The following ANKRD31 variants were observed in gnomAD, a reference collection of about 807,000 sequenced individuals.
The protein encoded by ANKRD31 is ankyrin repeat domain 31, also known as ankyrin repeat domain-containing protein 31.
In ANKRD31, 147 loss-of-function variants were observed where a neutral mutation model predicts 186.0. That is an observed-to-expected ratio of 0.79 (90% CI 0.69 to 0.91). ANKRD31 has a LOEUF of 0.91. Among genes scored for constraint, ANKRD31 ranks in the 40% least tolerant of loss-of-function variants. The pLI is 0.00. For missense variants in ANKRD31, 1,986 were observed against 2,148.8 expected (o/e 0.92, Z 1.50); for synonymous variants, 673 against 736.4 (o/e 0.91, Z 1.39).
At chr5:75,099,992 T>C (rs928490044) in intron 22 of ANKRD31, among the ~76,000 whole-genome samples, 13 of 152,138 alleles carry the variant, frequency 8.5e-5, no homozygotes, top group African/African-American at 3.1e-4. Context: ...TCTTGCTTCT[T>C]TAGTTCATTT....
At chr5:75,160,117 C>T (rs370430239) in intron 11 of ANKRD31, among the ~76,000 whole-genome samples, 1 of 151,760 alleles carries the variant, frequency 6.6e-6, no homozygotes, top group African/African-American at 2.4e-5. Context: ...CTTTAAGAGA[C>T]CTAAGACCAT....
chr5:75,141,650 GA>G (rs1385982043), intron 15 of ANKRD31, among the ~76,000 whole-genome samples: 2 of 151,570 alleles, frequency 1.3e-5, no homozygotes, highest in African/African-American at 2.4e-5. Context: ...AAAAAGAAAA[GA>G]AAAAAAATTA....
At chr5:75,125,671 A>G (rs187638657) in intron 17 of ANKRD31, among the ~76,000 whole-genome samples, 15 of 152,316 alleles carry the variant, frequency 9.8e-5, no homozygotes, top group Admixed American at 9.8e-4. Flanking sequence ...TTAATATATT[A>G]ATTTGGAGAA....
rs70979318 is a variant in ANKRD31, at chr5:75,206,248, AATATATATATATATATATATATATATAT to A, written c.403+135_403+162del. On this transcript the variant is annotated intron_variant, in intron 5 of 25. Coordinates refer to ENST00000506364, the MANE Select transcript of ANKRD31 (RefSeq NM_001372053.1). ...AAAAAAAAAAAAAAAAAAAAAAAAAAATATATATATATATATATATATATATATATATATATATATATATATATATATA... is the reference window on the plus strand; with the variant it reads ...AAAAAAAAAAAAAAAAAAAAAAAAAAATATATATATATATATATATATATA... 2.2e-3 allele frequency among the ~76,000 whole-genome samples: 22 copies of A among 10,084 alleles called. 1 individual carries two copies. Among genetic ancestry groups the A allele is most frequent in the South Asian group, 5.2e-3 (1 of 194 alleles). The allele number at this position is 10,084 out of a possible 152,430, so 6.6% of individuals were successfully genotyped here.
rs138774986 is a variant in ANKRD31 at position 75,101,741 on chromosome 5, G to A, written c.5331+2487C>T. On this transcript the variant is annotated intron_variant, in intron 22 of 25. Coordinates refer to ENST00000506364, the MANE Select transcript of ANKRD31 (RefSeq NM_001372053.1). ...ATGGGCTACTGAAGCTTGTGCATGCGTCACGTAGTTCTCGTGCCATGGTTT... is the reference window on the plus strand; with the variant it reads ...ATGGGCTACTGAAGCTTGTGCATGCATCACGTAGTTCTCGTGCCATGGTTT... 7.1e-3 allele frequency among the ~76,000 whole-genome samples: 1,083 copies of A among 152,134 alleles called. 11 individuals are homozygous for A. The highest frequency in any genetic ancestry group is 0.025 in the African/African-American group (1,028 of 41,492).
intron 22 of ANKRD31, among the ~76,000 whole-genome samples, chr5:75,096,860 T>C (rs903689944): frequency 6.8e-6 from 1 of 147,144 alleles, no homozygotes; most frequent in Non-Finnish European, 1.5e-5. Flanking sequence ...CCACTCTGTG[T>C]TCAAGTGTTC....
chr5:75,179,683 C>A (rs1754123334), intron 10 of ANKRD31, among the ~76,000 whole-genome samples: 1 of 151,840 alleles, frequency 6.6e-6, no homozygotes. Flanking sequence ...AATTCAACAA[C>A]CCTTCATGTT....
chr5:75,185,509 G>A (rs1323150722), intron 10 of ANKRD31, among the ~76,000 whole-genome samples: 1 of 152,056 alleles, frequency 6.6e-6, no homozygotes, highest in Admixed American at 6.6e-5. Context: ...AGTGAGCCAA[G>A]ATCACGCCAC....
intron 19 of ANKRD31, among the ~76,000 whole-genome samples, chr5:75,116,267 G>A (rs1305764849): frequency 9.0e-6 from 1 of 111,706 alleles, no homozygotes; most frequent in Non-Finnish European, 1.8e-5. Flanking sequence ...TGTGGGGTGG[G>A]GGGAGGGGGG....
rs1403593231 is a variant in ANKRD31 at position 75,112,600 on chromosome 5, G to A, written c.4156C>T (p.His1386Tyr). 6.7e-7 allele frequency: 1 copy of A among 1,500,714 alleles called. No homozygotes were observed. The highest frequency in any genetic ancestry group is 1.3e-5 in the South Asian group (1 of 79,534). 93.0% of individuals were successfully genotyped at this position (1,500,714 alleles called of 1,614,324 possible). The change falls in exon 20 of 26, where the codon CAT (histidine) becomes TAT (tyrosine). Residue 1386 changes from histidine to tyrosine, a missense_variant and splice_region_variant. Physicochemically the swap from His to Tyr is moderately conservative, Grantham distance 83. Transcript: ENST00000506364. ...QERSRESLSV[H>Y]QTLSAILQDI... ...TGTAGAATGGCACTGAGGGTCTGAT[G>A]CTATCAGATAAAAATATTTGAAACT...
intron 1 of ANKRD31, among the ~76,000 whole-genome samples, chr5:75,233,422 C>T (rs1262466740): frequency 6.6e-6 from 1 of 152,044 alleles, no homozygotes; most frequent in Non-Finnish European, 1.5e-5. Context: ...TCCCATAAAA[C>T]TTATTTTAAA....
At chr5:75,093,498 AAC>A (rs1746095352) in intron 22 of ANKRD31, among the ~76,000 whole-genome samples, 14 of 151,032 alleles carry the variant, frequency 9.3e-5, no homozygotes, top group Non-Finnish European at 2.1e-4. Context: ...CAACAACAAC[AAC>A]AAAAAAAACT....
intron 3 of ANKRD31, among the ~76,000 whole-genome samples, chr5:75,221,895 G>A (rs1757326457): frequency 6.6e-6 from 1 of 152,030 alleles, no homozygotes; most frequent in South Asian, 2.1e-4. Context: ...ACATATAAAA[G>A]AATATGTATT....
chr5:75,205,511 T>C (rs1013328389), intron 5 of ANKRD31, among the ~76,000 whole-genome samples: 1 of 147,456 alleles, frequency 6.8e-6, no homozygotes, highest in African/African-American at 2.6e-5. Context: ...CTGGTTTATT[T>C]AGCATTCACA....
chr5:75,213,832 C>T (rs1477651210), intron 3 of ANKRD31, among the ~76,000 whole-genome samples: 4 of 152,194 alleles, frequency 2.6e-5, no homozygotes, highest in Non-Finnish European at 5.9e-5. Flanking sequence ...TATCTGAGAA[C>T]ATTCTCTTTC....
At chr5:75,191,844 A>G (rs1755137744) in intron 9 of ANKRD31, among the ~76,000 whole-genome samples, 1 of 152,088 alleles carries the variant, frequency 6.6e-6, no homozygotes, top group Non-Finnish European at 1.5e-5. Context: ...ACAAGTTAAT[A>G]CATACATATA....
At chr5:75,224,600 C>CA (rs145314567) in intron 2 of ANKRD31, among the ~76,000 whole-genome samples, 6,509 of 151,786 alleles carry the variant, frequency 0.043, 244 homozygotes, top group Admixed American at 0.1. Flanking sequence ...TTAACCATTT[C>CA]AAAAAAATAA....
At chr5:75,147,553 T>A in intron 13 of ANKRD31, 48 bp from the exon 14 acceptor site, 2 of 1,159,482 alleles carry the variant, frequency 1.7e-6, no homozygotes, top group Non-Finnish European at 1.2e-6. Flanking sequence ...GCGGTAGTAC[T>A]ATATCAATTC....
chr5:75,132,144 G>A (rs375753166), intron 17 of ANKRD31, among the ~76,000 whole-genome samples: 1 of 152,240 alleles, frequency 6.6e-6, no homozygotes, highest in East Asian at 1.9e-4. Flanking sequence ...CAGCAATGGA[G>A]CAAAGATGGA....
Sources: allele counts gnomAD v4.1 joint callset (sites outside exome capture counted in the v4.1 genomes callset), GRCh38; gene constraint gnomAD v4.1.1; transcripts MANE v1.5; gene names NCBI Gene and HGNC (gene_info 2026-07-23, HGNC 2026-07-21).